PHACTR1: variants seen among roughly 807,000 people sequenced by gnomAD.
PHACTR1 encodes RPEL repeat containing 1.
In PHACTR1, 16 loss-of-function variants were observed where a neutral mutation model predicts 69.2. The observed-to-expected ratio is 0.23, with a 90% CI of 0.16 to 0.35. The LOEUF (loss-of-function observed/expected upper bound fraction) is 0.35. Ranked by LOEUF, PHACTR1 falls within the 10% of genes least tolerant of loss-of-function variation. PHACTR1 has a pLI of 1.00. For synonymous variants in PHACTR1, 312 were observed against 284.5 expected, an observed-to-expected ratio of 1.10 and a Z score of -0.97; for missense variants, 510 against 734.7, an observed-to-expected ratio of 0.69 and a Z score of 3.54.
intron 4 of PHACTR1, among the ~76,000 whole-genome samples, chr6:12,805,607 C>CT (rs766185084): frequency 2.0e-3 from 302 of 149,906 alleles, no homozygotes; most frequent in Non-Finnish European, 2.3e-3. Context: ...TTCTTTCTTT[C>CT]TTTCTTTTTT....
chr6:13,103,968 C>T (rs547430468), intron 5 of PHACTR1, among the ~76,000 whole-genome samples: 2 of 152,292 alleles, frequency 1.3e-5, no homozygotes, highest in South Asian at 2.1e-4. Flanking sequence ...CCTGTAGTCT[C>T]AGCTGCTTGG....
chr6:13,012,615 G>C (rs980968088), intron 4 of PHACTR1, among the ~76,000 whole-genome samples: 2 of 152,156 alleles, frequency 1.3e-5, no homozygotes, highest in African/African-American at 2.4e-5. Flanking sequence ...GCTTGTTAAA[G>C]GTACAGACTC....
intron 5 of PHACTR1, among the ~76,000 whole-genome samples, chr6:13,125,087 G>A (rs1023243311): frequency 6.6e-6 from 1 of 152,168 alleles, no homozygotes; most frequent in Non-Finnish European, 1.5e-5. Context: ...CAGTGGAAGA[G>A]GCAAAAGGAA....
chr6:13,183,478 C>T (rs1046448877), intron 7 of PHACTR1, among the ~76,000 whole-genome samples: 3 of 152,120 alleles, frequency 2.0e-5, no homozygotes, highest in Non-Finnish European at 1.5e-5. Flanking sequence ...AGGGTTAATT[C>T]CCATGCTTCG....
intron 5 of PHACTR1, among the ~76,000 whole-genome samples, chr6:13,130,472 G>A (rs919454856): frequency 6.6e-6 from 1 of 151,962 alleles, no homozygotes; most frequent in Non-Finnish European, 1.5e-5. Context: ...AATTAAACAG[G>A]AGATATTACA....
At chr6:13,071,577 G>A (rs1809529242) in intron 5 of PHACTR1, among the ~76,000 whole-genome samples, 1 of 152,196 alleles carries the variant, frequency 6.6e-6, no homozygotes, top group Admixed American at 6.5e-5. Flanking sequence ...GTGTGGAGTA[G>A]AAGTCAGAGC....
intron 4 of PHACTR1, among the ~76,000 whole-genome samples, chr6:12,936,548 T>A (rs759872771): frequency 6.6e-6 from 1 of 152,222 alleles, no homozygotes; most frequent in Non-Finnish European, 1.5e-5. Flanking sequence ...ACTGTTTACA[T>A]CTGAGTGTGT....
intron 5 of PHACTR1, among the ~76,000 whole-genome samples, chr6:13,079,327 G>A (rs1811021578): frequency 6.6e-6 from 1 of 152,128 alleles, no homozygotes; most frequent in Admixed American, 6.6e-5. Context: ...TTCAGATCCA[G>A]CCCTTCCCTA....
intron 4 of PHACTR1, among the ~76,000 whole-genome samples, chr6:12,832,419 T>TA (rs1486767411): frequency 6.6e-6 from 1 of 151,870 alleles, no homozygotes; most frequent in Non-Finnish European, 1.5e-5. Flanking sequence ...AGCATGAAAA[T>TA]AAAAAACAAA....
At chr6:12,850,109 C>T (rs1389224881) in intron 4 of PHACTR1, among the ~76,000 whole-genome samples, 2 of 152,196 alleles carry the variant, frequency 1.3e-5, no homozygotes, top group African/African-American at 2.4e-5. Flanking sequence ...AACTTGGAAT[C>T]GTCATGAATT....
intron 3 of PHACTR1, among the ~76,000 whole-genome samples, chr6:12,723,626 C>T (rs1359156023): frequency 1.3e-5 from 2 of 151,848 alleles, no homozygotes; most frequent in Admixed American, 6.6e-5. Context: ...CTCCCAAGTA[C>T]CTGTAGGCAC....
At chr6:12,951,057 G>T (rs1791232750) in intron 4 of PHACTR1, among the ~76,000 whole-genome samples, 1 of 152,178 alleles carries the variant, frequency 6.6e-6, no homozygotes. Flanking sequence ...AAGTAAAGCT[G>T]TCATATAGAT....
chr6:12,993,663 A>G (rs1797075727), intron 4 of PHACTR1, among the ~76,000 whole-genome samples: 1 of 152,244 alleles, frequency 6.6e-6, no homozygotes, highest in African/African-American at 2.4e-5. Flanking sequence ...GGTCAGGAAA[A>G]TAGGAAGGAG....
intron 4 of PHACTR1, among the ~76,000 whole-genome samples, chr6:12,784,467 CAT>C (rs1013420763): frequency 1.3e-5 from 2 of 151,066 alleles, no homozygotes; most frequent in African/African-American, 4.9e-5. Flanking sequence ...CCTATACACA[CAT>C]GTCTATACAC....
chr6:12,966,831 T>C (rs1292186178), intron 4 of PHACTR1, among the ~76,000 whole-genome samples: 1 of 152,182 alleles, frequency 6.6e-6, no homozygotes, highest in African/African-American at 2.4e-5. Flanking sequence ...GAGAAGTGAC[T>C]CTTGCATTTC....
At chr6:12,968,926 C>T (rs1793826764) in intron 4 of PHACTR1, among the ~76,000 whole-genome samples, 1 of 152,138 alleles carries the variant, frequency 6.6e-6, no homozygotes, top group Admixed American at 6.5e-5. Context: ...CTTTCAAATG[C>T]ATTAGAATCT....
intron 4 of PHACTR1, among the ~76,000 whole-genome samples, chr6:12,908,981 T>C (rs1275985059): frequency 6.6e-6 from 1 of 152,062 alleles, no homozygotes; most frequent in East Asian, 1.9e-4. Flanking sequence ...GAGAAGAAGA[T>C]GGCATGAGGA....
chr6:12,742,199 T>C (rs1765143046), intron 3 of PHACTR1, among the ~76,000 whole-genome samples: 1 of 152,210 alleles, frequency 6.6e-6, no homozygotes, highest in Non-Finnish European at 1.5e-5. Context: ...TTATACTTAC[T>C]GTTACTTCTT....
chr6:12,745,676 A>C (rs1245516257), intron 3 of PHACTR1, among the ~76,000 whole-genome samples: 1 of 152,234 alleles, frequency 6.6e-6, no homozygotes, highest in African/African-American at 2.4e-5. Context: ...AATTCATTAC[A>C]AAGGACCAAT....
Sources: allele counts gnomAD v4.1 joint callset (sites outside exome capture counted in the v4.1 genomes callset), GRCh38; gene constraint gnomAD v4.1.1; transcripts MANE v1.5; gene names NCBI Gene and HGNC (gene_info 2026-07-23, HGNC 2026-07-21).